Variants in ANKS1B observed in about 807,000 individuals in gnomAD.
ANKS1B encodes ankyrin repeat and sterile alpha motif domain-containing protein 1B.
ANKS1B carries 36 observed loss-of-function variants against 148.3 expected under a neutral mutation model. The ratio of observed to expected loss-of-function variants is 0.24; its 90% confidence interval spans 0.19 to 0.32. The LOEUF is 0.32. Among genes scored for constraint, ANKS1B ranks in the 10% least tolerant of loss-of-function variants. ANKS1B has a pLI of 1.00. For synonymous variants in ANKS1B, 542 were observed against 560.8 expected (o/e 0.97, Z 0.47); for missense variants, 1,157 against 1,542.6 (o/e 0.75, Z 4.19).
intron 9 of ANKS1B, among the ~76,000 whole-genome samples, chr12:99,550,144 ATCTATCTTGAGTGCTC>A (rs1296007661): frequency 1.3e-5 from 2 of 152,032 alleles, no homozygotes; most frequent in African/African-American, 4.8e-5. Context: ...GGTGCTCTCT[ATCTATCTTGAGTGCTC>A]TCTATCTTGA....
At chr12:99,085,532 A>G (rs2051404849) in intron 15 of ANKS1B, among the ~76,000 whole-genome samples, 1 of 152,266 alleles carries the variant, frequency 6.6e-6, no homozygotes, top group South Asian at 2.1e-4. Flanking sequence ...AAAAATTGAC[A>G]TATATTAGGC....
intron 9 of ANKS1B, among the ~76,000 whole-genome samples, chr12:99,536,434 C>A (rs977210674): frequency 6.6e-6 from 1 of 152,130 alleles, no homozygotes; most frequent in Non-Finnish European, 1.5e-5. Flanking sequence ...TATTTTTCTA[C>A]AATCAAATTT....
chr12:98,987,867 A>T lies in ANKS1B; in HGVS notation c.2778+65290T>A, dbSNP rs118009317. 4.2e-3 allele frequency among the ~76,000 whole-genome samples: 636 copies of T among 152,298 alleles called. 3 individuals carry two copies. Among genetic ancestry groups the T allele is most frequent in the Admixed American group, 6.5e-3 (99 of 15,296 alleles). ...CAGAAAAATGGAGTGATGGACAGCA[A>T]TAAGTTTCTGATAATATTATTTAAG... On this transcript the variant is annotated intron_variant, in intron 17 of 26. Coordinates refer to ENST00000683438, the MANE Select transcript of ANKS1B (RefSeq NM_001352186.2).
intron 17 of ANKS1B, among the ~76,000 whole-genome samples, chr12:98,920,706 C>G (rs2099800287): frequency 2.0e-5 from 3 of 152,214 alleles, no homozygotes; most frequent in Admixed American, 1.3e-4. Flanking sequence ...ATATCAATTA[C>G]TAAGTACACA....
At chr12:99,856,718 G>C (rs550335190) in intron 1 of ANKS1B, among the ~76,000 whole-genome samples, 1 of 152,074 alleles carries the variant, frequency 6.6e-6, no homozygotes, top group African/African-American at 2.4e-5. Flanking sequence ...GGGATGCGGG[G>C]ACGGTTTAAC....
chr12:99,770,228 T>C (rs191753046), intron 8 of ANKS1B, among the ~76,000 whole-genome samples: 17 of 146,906 alleles, frequency 1.2e-4, no homozygotes, highest in African/African-American at 4.0e-4. Flanking sequence ...AAAAACTGAG[T>C]AAGTGTCAGT....
At chr12:98,999,869 C>T (rs1018113814) in intron 17 of ANKS1B, among the ~76,000 whole-genome samples, 8 of 152,198 alleles carry the variant, frequency 5.3e-5, no homozygotes, top group East Asian at 1.9e-4. Context: ...TAACAATTCT[C>T]GTTTCATTCT....
At chr12:99,127,540 G>A (rs895294349) in intron 15 of ANKS1B, among the ~76,000 whole-genome samples, 11 of 152,142 alleles carry the variant, frequency 7.2e-5, no homozygotes, top group South Asian at 2.1e-4. Flanking sequence ...TGTAATGTTC[G>A]CTTTAAACAC....
intron 9 of ANKS1B, among the ~76,000 whole-genome samples, chr12:99,580,562 G>A (rs73141673): frequency 0.12 from 18,190 of 152,050 alleles, 1,328 homozygotes; most frequent in Non-Finnish European, 0.16. Flanking sequence ...GATCTCATAG[G>A]GGTAGAATGG....
intron 6 of ANKS1B, among the ~76,000 whole-genome samples, chr12:99,776,292 T>C (rs2153627465): frequency 6.6e-6 from 1 of 152,352 alleles, no homozygotes; most frequent in Non-Finnish European, 1.5e-5. Flanking sequence ...CAGCTTAAAC[T>C]TAAATATTGC....
At chr12:99,564,611 A>G (rs1247117315) in intron 9 of ANKS1B, among the ~76,000 whole-genome samples, 2 of 152,116 alleles carry the variant, frequency 1.3e-5, no homozygotes, top group African/African-American at 2.4e-5. Flanking sequence ...TATAACCTGA[A>G]TGAATACATA....
At chr12:99,806,275 A>C in intron 4 of ANKS1B, 129 bp downstream of exon 4, 1 of 1,138,018 alleles carries the variant, frequency 8.8e-7, no homozygotes, top group Non-Finnish European at 1.2e-6. Flanking sequence ...AGTACCTTGA[A>C]CTCAGTAGTT....
chr12:99,531,595 T>A (rs11109901), intron 9 of ANKS1B, among the ~76,000 whole-genome samples: 2,046 of 152,338 alleles, frequency 0.013, 50 homozygotes, highest in African/African-American at 0.047. Flanking sequence ...ACATTTTCTT[T>A]ATCCGGTCAT....
intron 12 of ANKS1B, among the ~76,000 whole-genome samples, chr12:99,284,469 G>A (rs2078861222): frequency 6.6e-6 from 1 of 152,168 alleles, no homozygotes. Flanking sequence ...CAAATTATAA[G>A]TCCCTAAAAT....
intron 1 of ANKS1B, among the ~76,000 whole-genome samples, chr12:99,902,375 G>A (rs528470679): frequency 3.3e-4 from 50 of 152,276 alleles, no homozygotes; most frequent in African/African-American, 9.9e-4. Context: ...AACACAAGAC[G>A]ACATCAGAAA....
chr12:99,313,418 G>A (rs915843196), intron 12 of ANKS1B, among the ~76,000 whole-genome samples: 5 of 152,114 alleles, frequency 3.3e-5, no homozygotes, highest in Admixed American at 6.6e-5. Context: ...CTCATTTTAC[G>A]AAGCCAGCAT....
chr12:99,636,347 A>T (rs1478459864), intron 9 of ANKS1B, among the ~76,000 whole-genome samples: 10 of 152,234 alleles, frequency 6.6e-5, no homozygotes, highest in Middle Eastern at 3.4e-3. Context: ...TCAATACAAA[A>T]TCTTGTTTTG....
At chr12:99,703,683 C>G (rs1467400476) in intron 8 of ANKS1B, among the ~76,000 whole-genome samples, 1 of 152,028 alleles carries the variant, frequency 6.6e-6, no homozygotes, top group Non-Finnish European at 1.5e-5. Flanking sequence ...GTTCTCTACT[C>G]CCAGGATATA....
chr12:99,042,365 G>A (rs980559965), intron 17 of ANKS1B, among the ~76,000 whole-genome samples: 4 of 152,184 alleles, frequency 2.6e-5, no homozygotes, highest in Non-Finnish European at 5.9e-5. Flanking sequence ...GGCACAGGGA[G>A]TCCCAGCTGT....
Sources: allele counts gnomAD v4.1 joint callset (sites outside exome capture counted in the v4.1 genomes callset), GRCh38; gene constraint gnomAD v4.1.1; transcripts MANE v1.5; gene names NCBI Gene and HGNC (gene_info 2026-07-23, HGNC 2026-07-21).